Variants in TSHZ2 observed in about 807,000 individuals in gnomAD.
TSHZ2 encodes teashirt zinc finger homeobox 2, also known as teashirt homolog 2.
Under a neutral mutation model 74.4 loss-of-function variants are expected in TSHZ2, and 21 were observed. That is an observed-to-expected ratio of 0.28 (90% CI 0.20 to 0.41). The LOEUF is 0.41. Among genes scored for constraint, TSHZ2 ranks in the 10% least tolerant of loss-of-function variants. The pLI is 1.00. For missense variants in TSHZ2, 1,244 were observed against 1,293.5 expected, an observed-to-expected ratio of 0.96 and a Z score of 0.59; for synonymous variants, 540 against 515.3, an observed-to-expected ratio of 1.05 and a Z score of -0.65.
intron 2 of TSHZ2, among the ~76,000 whole-genome samples, chr20:53,344,080 C>A (rs1980335609): frequency 6.6e-6 from 1 of 152,132 alleles, no homozygotes; most frequent in African/African-American, 2.4e-5. Context: ...CCAATGCTGT[C>A]TTTTCTCCTT....
At chr20:53,280,942 C>T (rs541188577) in intron 2 of TSHZ2, among the ~76,000 whole-genome samples, 126 of 152,304 alleles carry the variant, frequency 8.3e-4, no homozygotes, top group Admixed American at 2.9e-3. Context: ...TCCGCCCACT[C>T]ATCCTCCCAA....
At position 53,228,119 on chromosome 20, in the gene TSHZ2, C is replaced by T. The variant is rs145481465; in HGVS notation, c.41-25380C>T. ...GGCCCCCAAAACACACACACACACACACACACACACACACACACACACACT... is the reference window on the plus strand; with the variant it reads ...GGCCCCCAAAACACACACACACACATACACACACACACACACACACACACT... On this transcript the variant is annotated intron_variant, in intron 1 of 2. Transcript: ENST00000371497. Among the ~76,000 whole-genome samples the T allele has an allele frequency of 7.7e-3, 1,139 of 147,786 alleles. 17 individuals carry two copies. The highest frequency in any genetic ancestry group is 0.027 in the African/African-American group (1,082 of 40,238).
At chr20:53,109,435 A>G (rs1986470107) in intron 1 of TSHZ2, among the ~76,000 whole-genome samples, 1 of 152,082 alleles carries the variant, frequency 6.6e-6, no homozygotes, top group African/African-American at 2.4e-5. Flanking sequence ...CCTCTTTGGA[A>G]GAGTCCTTCT....
rs989912230 is a variant in TSHZ2 at position 53,446,335 on chromosome 20, G to A, written c.*9-40809G>A. 2.3e-4 allele frequency among the ~76,000 whole-genome samples: 35 copies of A among 151,462 alleles called. 1 individual carries two copies. Among genetic ancestry groups the A allele is most frequent in the Admixed American group, 5.9e-4 (9 of 15,184 alleles). ...TCCCAGCACTTTGGGAGGCCGAGGC[G>A]GGCAGATCAAGAGGTCAGGAGATTG... On this transcript the variant is annotated intron_variant, in intron 2 of 2. Coordinates refer to ENST00000371497, the MANE Select transcript of TSHZ2 (RefSeq NM_173485.6).
chr20:53,023,959 T>G (rs1166125380), intron 1 of TSHZ2, among the ~76,000 whole-genome samples: 3 of 152,168 alleles, frequency 2.0e-5, no homozygotes, highest in Non-Finnish European at 4.4e-5. Context: ...GCCTTTCCAT[T>G]GTAGTCACTG....
intron 1 of TSHZ2, among the ~76,000 whole-genome samples, chr20:53,038,377 G>A (rs1983905117): frequency 6.6e-6 from 1 of 152,064 alleles, no homozygotes; most frequent in African/African-American, 2.4e-5. Context: ...GGAAGATTGG[G>A]TTTCTCCCCT....
chr20:53,046,057 G>C (rs1984216973), intron 1 of TSHZ2, among the ~76,000 whole-genome samples: 1 of 152,122 alleles, frequency 6.6e-6, no homozygotes, highest in South Asian at 2.1e-4. Flanking sequence ...ATCCAAGGAG[G>C]GCCCCCAGAT....
chr20:53,151,629 T>C (rs1481109941), intron 1 of TSHZ2, among the ~76,000 whole-genome samples: 2 of 152,208 alleles, frequency 1.3e-5, no homozygotes, highest in African/African-American at 4.8e-5. Context: ...AAAAGTTCAA[T>C]AGATTTTTCT....
At chr20:53,393,662 G>A (rs968813970) in intron 2 of TSHZ2, among the ~76,000 whole-genome samples, 7 of 92,986 alleles carry the variant, frequency 7.5e-5, no homozygotes, top group East Asian at 2.3e-4. Flanking sequence ...AACTACACAC[G>A]CAAACACACA....
intron 1 of TSHZ2, among the ~76,000 whole-genome samples, chr20:53,138,439 CA>C (rs1379622304): frequency 6.6e-6 from 1 of 151,492 alleles, no homozygotes; most frequent in African/African-American, 2.4e-5. Flanking sequence ...TCCAAAATAG[CA>C]AATAGTCACC....
chr20:53,000,102 G>A (rs1327246050), intron 1 of TSHZ2, among the ~76,000 whole-genome samples: 1 of 152,178 alleles, frequency 6.6e-6, no homozygotes, highest in African/African-American at 2.4e-5. Context: ...AGACATTTCA[G>A]AGAAGGTTCA....
intron 1 of TSHZ2, among the ~76,000 whole-genome samples, chr20:53,148,900 A>G (rs1987608604): frequency 6.6e-6 from 1 of 152,196 alleles, no homozygotes; most frequent in African/African-American, 2.4e-5. Flanking sequence ...AGGCTCCAGA[A>G]AGAGAATTCT....
Position 53,042,189 on chromosome 20 carries a change from G to A in TSHZ2, c.40+68856G>A, listed in dbSNP as rs528621798. ...TCCCTCTGCTGGATTCATAAGCATC[G>A]AGTGATTCAAACATTAATTACAATC... On this transcript the variant is annotated intron_variant, in intron 1 of 2. Transcript: ENST00000371497. Among the ~76,000 whole-genome samples, 24 of 152,152 alleles carry A rather than the reference G, an allele frequency of 1.6e-4. No homozygotes were observed. The East Asian group carries it at 4.2e-3, about 27-fold the overall frequency.
rs187484896 is a variant in TSHZ2, at chr20:53,141,261, T to G, written c.41-112238T>G. ...GGCCAGCAGCCAGCCTCCAGAGTTG[T>G]CTGATTCTTCATGGCCCTTTTTCAG... On this transcript the variant is annotated intron_variant, in intron 1 of 2. Coordinates refer to ENST00000371497, the MANE Select transcript of TSHZ2 (RefSeq NM_173485.6). 3.7e-3 allele frequency among the ~76,000 whole-genome samples: 569 copies of G among 152,326 alleles called. 8 individuals are homozygous for G. The highest frequency in any genetic ancestry group is 0.034 in the Admixed American group (526 of 15,300).
intron 1 of TSHZ2, 60 bp downstream of exon 1, chr20:52,973,393 C>T: frequency 6.5e-7 from 1 of 1,545,132 alleles, no homozygotes; most frequent in South Asian, 1.2e-5. Context: ...GCCCGCCCTC[C>T]TTGCCCCTGG....
At chr20:53,185,682 A>G in intron 1 of TSHZ2, 2 of 1,536,080 alleles carry the variant, frequency 1.3e-6, no homozygotes, top group Non-Finnish European at 1.7e-6. Flanking sequence ...TACAGGTACA[A>G]CAGTTTACCC....
chr20:53,352,533 G>C (rs1980687148), intron 2 of TSHZ2, among the ~76,000 whole-genome samples: 2 of 151,924 alleles, frequency 1.3e-5, no homozygotes, highest in Non-Finnish European at 2.9e-5. Flanking sequence ...CAGCACTTTG[G>C]GAGGCCAAGG....
At chr20:53,473,950 T>A (rs1767539882) in intron 2 of TSHZ2, among the ~76,000 whole-genome samples, 1 of 151,412 alleles carries the variant, frequency 6.6e-6, no homozygotes, top group Non-Finnish European at 1.5e-5. Context: ...GAAGAGAAGT[T>A]TAGAGAAAAA....
At chr20:53,188,103 A>G (rs906960877) in intron 1 of TSHZ2, among the ~76,000 whole-genome samples, 4 of 152,220 alleles carry the variant, frequency 2.6e-5, no homozygotes, top group Non-Finnish European at 4.4e-5. Flanking sequence ...AAATAGCAGT[A>G]GTTTTGTGCC....
Sources: allele counts gnomAD v4.1 joint callset (sites outside exome capture counted in the v4.1 genomes callset), GRCh38; gene constraint gnomAD v4.1.1; transcripts MANE v1.5; gene names NCBI Gene and HGNC (gene_info 2026-07-23, HGNC 2026-07-21).